KIF2A: variants seen among roughly 807,000 people sequenced by gnomAD.
KIF2A encodes the protein kinesin family member 2A, also known as kinesin-like protein KIF2A.
KIF2A carries 22 observed loss-of-function variants against 100.2 expected under a neutral mutation model. The ratio of observed to expected loss-of-function variants is 0.22; its 90% CI spans 0.16 to 0.31. The LOEUF is 0.31. Ranked by LOEUF, KIF2A falls within the 10% of genes least tolerant of loss-of-function variation. The probability of loss-of-function intolerance (pLI) is 1.00; values close to 1 mark genes in which losing one functional copy is unlikely to be tolerated. For missense variants in KIF2A, 495 were observed against 898.7 expected, an observed-to-expected ratio of 0.55 and a Z score of 5.74; for synonymous variants, 268 against 285.9, an observed-to-expected ratio of 0.94 and a Z score of 0.63.
At chr5:62,314,819 G>A (rs1283417006) in intron 1 of KIF2A, among the ~76,000 whole-genome samples, 2 of 141,690 alleles carry the variant, frequency 1.4e-5, no homozygotes, top group South Asian at 2.2e-4. Flanking sequence ...CTGTAGTGCA[G>A]TGGCACGATC....
chr5:62,352,165 A>T (rs913118662), intron 4 of KIF2A, among the ~76,000 whole-genome samples: 1 of 151,882 alleles, frequency 6.6e-6, no homozygotes, highest in African/African-American at 2.4e-5. Context: ...AAAAAAAAAA[A>T]AAAATTATAT....
In KIF2A at chr5:62,341,719, T is replaced by TTTTTTCGCACACCTAGTTATGGTACA. The variant is rs368460963; in HGVS notation, c.65-5408_65-5383dup. 8.9e-4 allele frequency among the ~76,000 whole-genome samples: 136 copies of TTTTTTCGCACACCTAGTTATGGTACA among 152,262 alleles called. 1 individual carries two copies. The highest frequency in any genetic ancestry group is 3.0e-3 in the African/African-American group (125 of 41,552). ...CGAATTTTGCTCCACCGGCCCACCT[T>TTTTTTCGCACACCTAGTTATGGTACA]TTTTTCGCACACCTAGTTATGGTAC... On this transcript the variant is annotated intron_variant, in intron 1 of 20. Transcript: ENST00000407818.
chr5:62,348,192 A>G (rs1484081034), intron 3 of KIF2A, 25 bp downstream of exon 3: 6 of 1,612,232 alleles, frequency 3.7e-6, no homozygotes, highest in Non-Finnish European at 5.1e-6. Flanking sequence ...TTCAGAGTGC[A>G]GGACACTGGG....
At chr5:62,320,198 G>A (rs1273488162) in intron 1 of KIF2A, among the ~76,000 whole-genome samples, 1 of 152,058 alleles carries the variant, frequency 6.6e-6, no homozygotes, top group Non-Finnish European at 1.5e-5. Context: ...TTCTTGTACT[G>A]CATTTCATTA....
chr5:62,361,578 T>G (rs1285791717), intron 11 of KIF2A, 49 bp downstream of exon 11: 8 of 1,037,898 alleles, frequency 7.7e-6, no homozygotes, highest in Non-Finnish European at 1.2e-5. Context: ...TGTGGTATTA[T>G]TCAGGTAACT....
chr5:62,329,055 A>G (rs1746514328), intron 1 of KIF2A, among the ~76,000 whole-genome samples: 1 of 152,214 alleles, frequency 6.6e-6, no homozygotes, highest in African/African-American at 2.4e-5. Context: ...TTCAATATGA[A>G]TAAAATTTGT....
chr5:62,383,123 C>A lies in KIF2A; in HGVS notation c.2149+1870C>A, dbSNP rs540570139. ...TGTATTTTTAGTAGAGACCGGGTTT[C>A]ACCATATTGGCCAGGCTGGTATCGA... On this transcript the variant is annotated intron_variant, in intron 20 of 20. Coordinates refer to ENST00000407818, the MANE Select transcript of KIF2A (RefSeq NM_001098511.3). 1.3e-4 allele frequency among the ~76,000 whole-genome samples: 20 copies of A among 150,324 alleles called. No homozygotes were observed. The South Asian group carries it at 4.2e-3, about 32-fold the overall frequency.
chr5:62,372,682 G>A, intron 17 of KIF2A, 131 bp downstream of exon 17: 2 of 578,158 alleles, frequency 3.5e-6, no homozygotes, highest in Non-Finnish European at 3.0e-6. Context: ...TTGGCAGGTG[G>A]TGGTTGTACT....
intron 14 of KIF2A, among the ~76,000 whole-genome samples, 179 bp from the exon 15 acceptor site, chr5:62,365,064 G>C (rs887556137): frequency 6.6e-6 from 1 of 152,150 alleles, no homozygotes; most frequent in African/African-American, 2.4e-5. Flanking sequence ...CCACACCCCA[G>C]CCTGGGTGAC....
intron 1 of KIF2A, among the ~76,000 whole-genome samples, chr5:62,327,654 T>G (rs1218108020): frequency 6.6e-6 from 1 of 152,246 alleles, no homozygotes; most frequent in Non-Finnish European, 1.5e-5. Context: ...TTCTTCTTTA[T>G]GTACCTTTTG....
At chr5:62,360,500 C>T (rs1001384062) in intron 9 of KIF2A, among the ~76,000 whole-genome samples, 7 of 151,940 alleles carry the variant, frequency 4.6e-5, no homozygotes, top group African/African-American at 7.2e-5. Context: ...GCCTGACCAA[C>T]GTGGTGAAAC....
At chr5:62,322,837 T>C (rs1746167659) in intron 1 of KIF2A, among the ~76,000 whole-genome samples, 1 of 144,860 alleles carries the variant, frequency 6.9e-6, no homozygotes, top group Non-Finnish European at 1.5e-5. Context: ...ATGGTAAATA[T>C]GGTAAAGATT....
chr5:62,345,154 G>A (rs1043704349), intron 1 of KIF2A, among the ~76,000 whole-genome samples: 1 of 151,970 alleles, frequency 6.6e-6, no homozygotes, highest in East Asian at 1.9e-4. Flanking sequence ...TTGGGAGGCC[G>A]AGGAGGGCAG....
intron 1 of KIF2A, among the ~76,000 whole-genome samples, chr5:62,333,690 C>G (rs1746770617): frequency 6.6e-6 from 1 of 152,162 alleles, no homozygotes; most frequent in South Asian, 2.1e-4. Context: ...TCCCTATAGT[C>G]CTGCCTACTT....
chr5:62,343,127 A>T (rs1399091484), intron 1 of KIF2A, among the ~76,000 whole-genome samples: 2 of 151,770 alleles, frequency 1.3e-5, no homozygotes, highest in Non-Finnish European at 2.9e-5. Flanking sequence ...TGTACTCCCA[A>T]CTCTCTCATC....
At chr5:62,338,452 A>G (rs1561260371) in intron 1 of KIF2A, among the ~76,000 whole-genome samples, 1 of 152,010 alleles carries the variant, frequency 6.6e-6, no homozygotes, top group Non-Finnish European at 1.5e-5. Flanking sequence ...CCACACCTGG[A>G]TAATTTTTTG....
intron 9 of KIF2A, among the ~76,000 whole-genome samples, chr5:62,360,310 A>G (rs1352344186): frequency 6.6e-6 from 1 of 151,536 alleles, no homozygotes; most frequent in Non-Finnish European, 1.5e-5. Context: ...TTTTTAGTGT[A>G]CTGCTCAGGG....
Position 62,352,567 on chromosome 5 carries a change from A to T in KIF2A, c.335-21A>T, listed in dbSNP as rs528495434. On this transcript the variant is annotated intron_variant, in intron 4 of 20. Transcript: ENST00000407818. ...ACTAATTTTCTATCCTGAATTTAAA[A>T]TTTTTTTTTTTTACTTACAGTGGTT... 8,904 of 1,116,488 alleles carry T rather than the reference A, an allele frequency of 8.0e-3. 17 individuals carry two copies. Among genetic ancestry groups the T allele is most frequent in the Non-Finnish European group, 8.4e-3 (6,883 of 823,144 alleles). The allele number at this position is 1,116,488 out of a possible 1,614,324, so 69.2% of individuals were successfully genotyped here. A position where few individuals can be genotyped will look rare whatever the true frequency, so the allele number is the denominator to read the frequency against.
chr5:62,338,384 G>T lies in KIF2A; in HGVS notation c.65-8746G>T, dbSNP rs1438229356. On this transcript the variant is annotated intron_variant, in intron 1 of 20. Coordinates refer to ENST00000407818, the MANE Select transcript of KIF2A (RefSeq NM_001098511.3). The stretch of plus-strand genomic sequence containing the variant: ...GCTCACTTCAACCTCTGCCTCCCGG[G>T]CTCAAGCAATTCTCCTGTCTCAGCC... 2.0e-5 allele frequency among the ~76,000 whole-genome samples: 3 copies of T among 152,144 alleles called. No individual in the cohort carries two copies. In the East Asian group the frequency reaches 5.8e-4, roughly 29 times the overall value.
Sources: allele counts gnomAD v4.1 joint callset (sites outside exome capture counted in the v4.1 genomes callset), GRCh38; gene constraint gnomAD v4.1.1; transcripts MANE v1.5; gene names NCBI Gene and HGNC (gene_info 2026-07-23, HGNC 2026-07-21).